Variants in ARHGEF4 observed in about 807,000 individuals in gnomAD.
The protein encoded by ARHGEF4 is APC-stimulated guanine nucleotide exchange factor 1.
A neutral mutation model predicts 162.0 loss-of-function variants in ARHGEF4; 119 were observed. The observed-to-expected ratio is 0.73, with a 90% CI of 0.63 to 0.86. The LOEUF is 0.86. Ranked by LOEUF, ARHGEF4 falls within the 40% of genes least tolerant of loss-of-function variation. The pLI is 0.00. For synonymous variants in ARHGEF4, 1,014 were observed against 979.9 expected, an observed-to-expected ratio of 1.03 and a Z score of -0.65; for missense variants, 2,488 against 2,456.0, an observed-to-expected ratio of 1.01 and a Z score of -0.28.
intron 1 of ARHGEF4, among the ~76,000 whole-genome samples, chr2:130,846,202 G>A (rs192166458): frequency 6.6e-6 from 1 of 152,132 alleles, no homozygotes; most frequent in Non-Finnish European, 1.5e-5. Context: ...GGCCTTCCTC[G>A]GCTGAGTGCT....
Position 131,015,637 on chromosome 2 carries a change from C to T in ARHGEF4, c.3986-12308C>T, listed in dbSNP as rs190881822. Among the ~76,000 whole-genome samples, 312 of 152,340 alleles carry T rather than the reference C, an allele frequency of 2.0e-3. 1 individual carries two copies. Among genetic ancestry groups the T allele is most frequent in the Non-Finnish European group, 3.4e-3 (228 of 68,024 alleles). On this transcript the variant is annotated intron_variant, in intron 4 of 13. Transcript: ENST00000409359. The stretch of plus-strand genomic sequence containing the variant: ...GGTGCAAGTGGCTCACGCTTGGAAT[C>T]CCAGCACTTTGGGAAGCCAAGGGCG...
chr2:130,938,670 A>G (rs1683106052), intron 3 of ARHGEF4, among the ~76,000 whole-genome samples: 1 of 152,166 alleles, frequency 6.6e-6, no homozygotes, highest in Non-Finnish European at 1.5e-5. Context: ...GTTTACAAAC[A>G]TTATCACCTA....
intron 1 of ARHGEF4, among the ~76,000 whole-genome samples, chr2:130,889,811 C>CAAAAAA (rs35297177): frequency 2.8e-4 from 19 of 67,658 alleles, no homozygotes; most frequent in South Asian, 1.1e-3. Flanking sequence ...GACTCCGTCT[C>CAAAAAA]AAAAAAAAAA....
chr2:130,846,188 G>A (rs1021710330), intron 1 of ARHGEF4, among the ~76,000 whole-genome samples: 1 of 152,210 alleles, frequency 6.6e-6, no homozygotes, highest in African/African-American at 2.4e-5. Flanking sequence ...GTGCCCAGTG[G>A]TTAGGCCTTC....
rs371661886 is a variant in ARHGEF4 at position 131,039,051 on chromosome 2, G to C, written c.4305+19G>C. 5 of 1,592,570 alleles carry C rather than the reference G, an allele frequency of 3.1e-6. No individual in the cohort carries two copies. In the Admixed American group the frequency reaches 7.0e-5, roughly 22 times the overall value. ...CGTTCGGGTATGGTTCCAAGCCCCAGCTTCTCCCAAGTTGGGCCCATAAAA... is the reference window on the plus strand; with the variant it reads ...CGTTCGGGTATGGTTCCAAGCCCCACCTTCTCCCAAGTTGGGCCCATAAAA... On this transcript the variant is annotated intron_variant, in intron 6 of 13. Transcript: ENST00000409359.
intron 1 of ARHGEF4, among the ~76,000 whole-genome samples, chr2:130,868,127 A>G (rs939694557): frequency 1.3e-5 from 2 of 151,460 alleles, no homozygotes; most frequent in African/African-American, 4.9e-5. Context: ...GGGTTTCACC[A>G]TGTTAGCCAG....
chr2:130,987,466 G>C (rs1686596741), intron 4 of ARHGEF4, among the ~76,000 whole-genome samples: 1 of 152,222 alleles, frequency 6.6e-6, no homozygotes. Flanking sequence ...CAGGACCCAA[G>C]GGGGTTGCAG....
chr2:130,947,021 G>A (rs1338797696), intron 4 of ARHGEF4: 2 of 178,102 alleles, frequency 1.1e-5, no homozygotes, highest in African/African-American at 2.3e-5. Context: ...ATATGAGGTC[G>A]GGAGTTCGAG....
At chr2:130,939,446 T>C (rs1430568055) in intron 3 of ARHGEF4, among the ~76,000 whole-genome samples, 1 of 152,234 alleles carries the variant, frequency 6.6e-6, no homozygotes, top group African/African-American at 2.4e-5. Flanking sequence ...TGTCGATCCA[T>C]GTGTCTATGC....
chr2:130,904,783 A>AAG (rs1680711215), intron 1 of ARHGEF4, among the ~76,000 whole-genome samples: 1 of 38,392 alleles, frequency 2.6e-5, no homozygotes, highest in Admixed American at 4.6e-4. Flanking sequence ...TTTTCACTAT[A>AAG]AAAAAAAAAC....
chr2:130,900,153 G>A (rs867619740), intron 1 of ARHGEF4, among the ~76,000 whole-genome samples: 6 of 151,918 alleles, frequency 3.9e-5, no homozygotes, highest in East Asian at 1.9e-4. Flanking sequence ...GGTTTATTTC[G>A]GTGAATGTTT....
In ARHGEF4 at chr2:131,028,093, A is replaced by AGGGCTGCACGGGCAGAGGGAGGGAC; in HGVS notation, c.4125+10_4125+34dup. ...AGCTGGCTATCAATGAGGTAGGGTC[A>AGGGCTGCACGGGCAGAGGGAGGGAC]GGGCTGCACGGGCAGAGGGAGGGAC... On this transcript the variant is annotated intron_variant, in intron 5 of 13. Transcript: ENST00000409359. The AGGGCTGCACGGGCAGAGGGAGGGAC allele has an allele frequency of 6.2e-7, 1 of 1,613,430 alleles. No homozygotes were observed.
chr2:130,840,298 G>T (rs1680520604), intron 1 of ARHGEF4, among the ~76,000 whole-genome samples: 1 of 152,178 alleles, frequency 6.6e-6, no homozygotes, highest in African/African-American at 2.4e-5. Context: ...CTTCAGTCCG[G>T]TAGGGAGGTC....
rs745720740 is a variant in ARHGEF4, at chr2:130,915,815, G to C, written c.1869G>C (p.Glu623Asp). Residue 623 changes from glutamate (E) to aspartate (D), a missense_variant, in exon 2 of 14, where the codon GAG (glutamate) becomes GAC (aspartate). Around this residue, in one of 6 missense-constraint regions of ARHGEF4, gnomAD observed 1,642 missense variants for 1,481.5 expected, o/e 1.11. Coordinates refer to ENST00000409359, the MANE Select transcript of ARHGEF4 (RefSeq NM_001367493.1). ...AGCTGGAGCCCAAAGCAGGCGGCGA[G>C]GCCTCGAGGGGCAGGGGCGCCCTCA... ...GRQLEPKAGGEASRGRGALII... is the reference protein window; with the variant it reads ...GRQLEPKAGGDASRGRGALII... The C allele has an allele frequency of 2.3e-5, 35 of 1,524,336 alleles. No homozygotes were observed. Among genetic ancestry groups the C allele is most frequent in the Non-Finnish European group, 3.0e-5 (34 of 1,134,628 alleles). The allele number at this position is 1,524,336 out of a possible 1,614,324, so 94.4% of individuals were successfully genotyped here.
chr2:131,035,697 G>A (rs760997759), intron 5 of ARHGEF4: 101 of 985,696 alleles, frequency 1.0e-4, no homozygotes, highest in Non-Finnish European at 1.2e-4. Flanking sequence ...TGTTTTTCCC[G>A]TTTTAGGCCT....
At chr2:130,943,999 A>G (rs1184045218) in intron 3 of ARHGEF4, among the ~76,000 whole-genome samples, 1 of 152,160 alleles carries the variant, frequency 6.6e-6, no homozygotes, top group Non-Finnish European at 1.5e-5. Context: ...GACTTCTCTT[A>G]GTTTTTCTCC....
At chr2:130,871,632 G>A (rs766417172) in intron 1 of ARHGEF4, among the ~76,000 whole-genome samples, 1 of 149,450 alleles carries the variant, frequency 6.7e-6, no homozygotes, top group Non-Finnish European at 1.5e-5. Flanking sequence ...GAAATTTTTA[G>A]GAAAAAAAAT....
rs149929276 is a variant in ARHGEF4 at position 131,045,386 on chromosome 2, C to A, written c.5419C>A (p.Leu1807Met). ...DQETGFSITE[L>M]QRKQAMLNAS... ...TTCCTCAGGCTTCTCCATCACTGAA[C>A]TGCAGAGGAAGCAGGCCATGCTGAA... Residue 1807 changes from leucine to methionine, a missense_variant, in exon 13 of 14, where the codon CTG (leucine) becomes ATG (methionine). Transcript: ENST00000409359. The A allele has an allele frequency of 1.2e-6, 2 of 1,613,316 alleles. No individual in the cohort carries two copies. Among genetic ancestry groups the A allele is most frequent in the South Asian group, 2.2e-5 (2 of 91,070 alleles).
intron 5 of ARHGEF4, among the ~76,000 whole-genome samples, chr2:131,034,272 C>G (rs1490848941): frequency 6.6e-6 from 1 of 152,218 alleles, no homozygotes; most frequent in Non-Finnish European, 1.5e-5. Context: ...GCCCTCTCCC[C>G]TGCAGTCTTC....
Sources: allele counts gnomAD v4.1 joint callset (sites outside exome capture counted in the v4.1 genomes callset), GRCh38; gene constraint gnomAD v4.1.1; regional missense constraint gnomAD v4.1.1; transcripts MANE v1.5; gene names NCBI Gene and HGNC (gene_info 2026-07-23, HGNC 2026-07-21).